The following DDX19B variants were observed in gnomAD, a reference collection of about 807,000 sequenced individuals.
The protein encoded by DDX19B is DEAD-box helicase 19B.
In DDX19B, 27 loss-of-function variants were observed where a neutral mutation model predicts 58.1. The ratio of observed to expected loss-of-function variants is 0.46; its 90% confidence interval spans 0.34 to 0.64. The LOEUF is 0.64. Ranked by LOEUF, DDX19B falls within the 30% of genes least tolerant of loss-of-function variation. The pLI is 0.01. For missense variants in DDX19B, 399 were observed against 596.5 expected (o/e 0.67, Z 3.45); for synonymous variants, 187 against 214.4 (o/e 0.87, Z 1.12).
upstream of DDX19B, among the ~76,000 whole-genome samples, chr16:70,293,071 ACT>A (rs1177136007): frequency 2.0e-5 from 3 of 148,882 alleles, no homozygotes; most frequent in South Asian, 2.1e-4. Flanking sequence ...CAAGAGGGAA[ACT>A]CTGTCTCAAA....
intron 1 of DDX19B, among the ~76,000 whole-genome samples, chr16:70,310,900 G>A (rs573263830): frequency 6.6e-6 from 1 of 151,640 alleles, no homozygotes; most frequent in African/African-American, 2.4e-5. Context: ...GGGTGGTAGC[G>A]GACGCCTGTA....
At chr16:70,292,715 T>C (rs1298755271), upstream of DDX19B, among the ~76,000 whole-genome samples, 2 of 152,170 alleles carry the variant, frequency 1.3e-5, no homozygotes, top group African/African-American at 2.4e-5. Flanking sequence ...AGTAGAACAT[T>C]TGTTGAACTC....
chr16:70,332,824 C>G (rs1444882056), intron 10 of DDX19B, 144 bp from the exon 11 acceptor site: 1 of 1,473,396 alleles, frequency 6.8e-7, no homozygotes, highest in Non-Finnish European at 9.3e-7. Flanking sequence ...CCTTTCAGAT[C>G]TGGCTTCCTG....
intron 7 of DDX19B, among the ~76,000 whole-genome samples, chr16:70,326,183 C>G (rs1288952244): frequency 6.6e-6 from 1 of 152,140 alleles, no homozygotes; most frequent in African/African-American, 2.4e-5. Flanking sequence ...TTCAAATATT[C>G]TACATTCTGG....
chr16:70,310,289 G>A (rs1259818970), intron 1 of DDX19B, among the ~76,000 whole-genome samples: 1 of 152,086 alleles, frequency 6.6e-6, no homozygotes, highest in East Asian at 1.9e-4. Context: ...GCTGAAGCAG[G>A]AGAATCGTTT....
upstream of DDX19B, among the ~76,000 whole-genome samples, chr16:70,296,808 G>C (rs1206206587): frequency 6.6e-6 from 1 of 152,092 alleles, no homozygotes; most frequent in Non-Finnish European, 1.5e-5. Flanking sequence ...ATAGCAAGTA[G>C]AATGTTCTCT....
intron 5 of DDX19B, among the ~76,000 whole-genome samples, chr16:70,323,138 G>C (rs1308946964): frequency 6.6e-6 from 1 of 152,012 alleles, no homozygotes; most frequent in African/African-American, 2.4e-5. Flanking sequence ...TGTCACCAGG[G>C]CTGGAGTACA....
upstream of DDX19B, among the ~76,000 whole-genome samples, chr16:70,294,555 T>C (rs1961151511): frequency 6.6e-6 from 1 of 152,208 alleles, no homozygotes; most frequent in African/African-American, 2.4e-5. Flanking sequence ...ATTCACCAAA[T>C]GAGTGACCAC....
chr16:70,299,093 T>G, upstream of DDX19B: 1 of 1,306,478 alleles, frequency 7.7e-7, no homozygotes, highest in South Asian at 2.2e-5. Flanking sequence ...GGGGTACGGG[T>G]CTGAGGGCAA....
At chr16:70,319,044 CA>C (rs2152202815) in intron 5 of DDX19B, among the ~76,000 whole-genome samples, 1 of 152,158 alleles carries the variant, frequency 6.6e-6, no homozygotes, top group Non-Finnish European at 1.5e-5. Context: ...GCGGAGCTTG[CA>C]GTGAGCCGAG....
intron 5 of DDX19B, among the ~76,000 whole-genome samples, chr16:70,323,378 T>C (rs1030084267): frequency 2.0e-5 from 3 of 151,932 alleles, no homozygotes; most frequent in Non-Finnish European, 2.9e-5. Context: ...AGTGCTGAGA[T>C]TGCAGGCATG....
chr16:70,289,775 C>G, exon 1 of DDX19B: 3 of 423,546 alleles, frequency 7.1e-6, no homozygotes. Flanking sequence ...CCGCCCCCGG[C>G]TCCCGGAGGT....
At chr16:70,304,062 C>T (rs1961614753) in intron 1 of DDX19B, among the ~76,000 whole-genome samples, 2 of 150,272 alleles carry the variant, frequency 1.3e-5, no homozygotes, top group South Asian at 2.1e-4. Context: ...TTTTTTGAGG[C>T]GGAGTCTGGC....
In DDX19B at chr16:70,333,927, T is replaced by C; in HGVS notation, c.*345T>C. On this transcript the variant is annotated 3_prime_UTR_variant, in exon 12 of 12. Coordinates refer to ENST00000288071, the MANE Select transcript of DDX19B (RefSeq NM_007242.7). Reference sequence around the variant, plus strand: ...CTCCTGTGGCAGCCTCTGCTTGTTCTCTGGCTTGGAGTGGATGGGGCAGCC... The same window carrying C: ...CTCCTGTGGCAGCCTCTGCTTGTTCCCTGGCTTGGAGTGGATGGGGCAGCC... The C allele has an allele frequency of 2.6e-6, 1 of 384,996 alleles. No individual in the cohort carries two copies. 23.8% of individuals were successfully genotyped at this position (384,996 alleles called of 1,614,324 possible). A position where few individuals can be genotyped will look rare whatever the true frequency, so the allele number is the denominator to read the frequency against.
At chr16:70,297,510 G>C (rs1176323344), upstream of DDX19B, among the ~76,000 whole-genome samples, 1 of 152,192 alleles carries the variant, frequency 6.6e-6, no homozygotes, top group Non-Finnish European at 1.5e-5. Flanking sequence ...ATTGTGCCCG[G>C]CCTCATGGCT....
At chr16:70,300,631 G>A (rs941651871) in intron 1 of DDX19B, among the ~76,000 whole-genome samples, 1 of 152,128 alleles carries the variant, frequency 6.6e-6, no homozygotes, top group African/African-American at 2.4e-5. Flanking sequence ...CCAGGCTCAA[G>A]TGATCCTCCC....
At chr16:70,321,402 G>A (rs1962803742) in intron 5 of DDX19B, among the ~76,000 whole-genome samples, 1 of 152,192 alleles carries the variant, frequency 6.6e-6, no homozygotes, top group Admixed American at 6.6e-5. Context: ...TTACAGGCAT[G>A]AGCCATTGGG....
Position 70,330,048 on chromosome 16 carries a change from C to G in DDX19B, c.1003C>G (p.Gln335Glu), listed in dbSNP as rs1419855109. 8 of 1,613,836 alleles carry G rather than the reference C, an allele frequency of 5.0e-6. No homozygotes were observed. Among genetic ancestry groups the G allele is most frequent in the Non-Finnish European group, 6.8e-6 (8 of 1,179,884 alleles). ...CCTCTACGGGGCCATCACCATTGCTCAAGCCATGATCTTCTGCCATGTGAG... is the reference window on the plus strand; with the variant it reads ...CCTCTACGGGGCCATCACCATTGCTGAAGCCATGATCTTCTGCCATGTGAG... ...CNLYGAITIA[Q>E]AMIFCHTRKT... is the part of the protein sequence containing the mutation. Residue 335 changes from glutamine (Q) to glutamate (E), a missense_variant, in exon 9 of 12, where the codon CAA becomes GAA. Physicochemically the swap from Gln to Glu is conservative, Grantham distance 29 (BLOSUM62 2). Coordinates refer to ENST00000288071, the MANE Select transcript of DDX19B (RefSeq NM_007242.7).
intron 1 of DDX19B, among the ~76,000 whole-genome samples, chr16:70,307,211 T>C (rs998827802): frequency 6.6e-6 from 1 of 152,176 alleles, no homozygotes; most frequent in Non-Finnish European, 1.5e-5. Context: ...GGACATATAG[T>C]TTCAATACTC....
Sources: allele counts gnomAD v4.1 joint callset (sites outside exome capture counted in the v4.1 genomes callset), GRCh38; gene constraint gnomAD v4.1.1; transcripts MANE v1.5; gene names NCBI Gene and HGNC (gene_info 2026-07-23, HGNC 2026-07-21).